MICAL3: variants seen among roughly 807,000 people sequenced by gnomAD.
MICAL3 encodes microtubule associated monooxygenase, calponin and LIM domain containing 3, also known as [F-actin]-monooxygenase MICAL3.
In MICAL3, 62 loss-of-function variants were observed where a neutral mutation model predicts 207.4. The observed-to-expected ratio is 0.30, with a 90% CI of 0.24 to 0.37. The LOEUF is 0.37. Among genes scored for constraint, MICAL3 ranks in the 10% least tolerant of loss-of-function variants. MICAL3 has a pLI of 1.00. For missense variants in MICAL3, 2,368 were observed against 2,635.6 expected (o/e 0.90, Z 2.22); for synonymous variants, 1,077 against 1,069.3 (o/e 1.01, Z -0.14).
chr22:17,896,133 T>C, intron 9 of MICAL3, 113 bp downstream of exon 9: 1 of 599,364 alleles, frequency 1.7e-6, no homozygotes, highest in Non-Finnish European at 3.0e-6. Flanking sequence ...GAAAACATCT[T>C]TAATTAAGAA....
At chr22:17,956,863 C>T (rs993617993) in intron 1 of MICAL3, among the ~76,000 whole-genome samples, 1 of 152,188 alleles carries the variant, frequency 6.6e-6, no homozygotes, top group Admixed American at 6.5e-5. Flanking sequence ...TTCTTAGTAA[C>T]AGTACCCCAA....
chr22:17,917,813 G>C (rs1569132369), intron 1 of MICAL3, among the ~76,000 whole-genome samples: 1 of 152,156 alleles, frequency 6.6e-6, no homozygotes. Context: ...ACCACACCCA[G>C]GGAAGAAGGC....
At chr22:17,920,120 T>C (rs973308412) in intron 1 of MICAL3, among the ~76,000 whole-genome samples, 7 of 152,246 alleles carry the variant, frequency 4.6e-5, no homozygotes, top group Non-Finnish European at 1.0e-4. Flanking sequence ...CATTTCATAC[T>C]TGCTGGGCGG....
Position 17,842,539 on chromosome 22 carries a change from T to C in MICAL3, c.2606-522A>G, listed in dbSNP as rs374074780. ...AAGAACGTCTCATGCTGCGGATCTG[T>C]CTCCTCACAGTTAGATAAGGCACTT... On this transcript the variant is annotated intron_variant, in intron 19 of 31. Transcript: ENST00000441493. 620 of 164,756 alleles carry C rather than the reference T, an allele frequency of 3.8e-3. 2 individuals carry two copies. Among genetic ancestry groups the C allele is most frequent in the Non-Finnish European group, 5.7e-3 (421 of 73,400 alleles). The allele number at this position is 164,756 out of a possible 1,614,324, so 10.2% of individuals were successfully genotyped here. A position where few individuals can be genotyped will look rare whatever the true frequency, so the allele number is the denominator to read the frequency against.
chr22:18,019,263 G>A (rs1924275338), intron 1 of MICAL3: 1 of 153,740 alleles, frequency 6.5e-6, no homozygotes, highest in Non-Finnish European at 1.5e-5. Context: ...GACATTAATG[G>A]TTGTATTATT....
At chr22:17,856,911 G>A (rs893782432) in intron 19 of MICAL3, among the ~76,000 whole-genome samples, 4 of 152,082 alleles carry the variant, frequency 2.6e-5, no homozygotes, top group Non-Finnish European at 5.9e-5. Flanking sequence ...GTGAGCCACC[G>A]CGCCCGGCCG....
In MICAL3 at chr22:17,847,546, C is replaced by T. The variant is rs1351118794; in HGVS notation, c.2606-5529G>A. Among the ~76,000 whole-genome samples the T allele has an allele frequency of 2.0e-5, 3 of 152,356 alleles. No homozygotes were observed. The South Asian group carries it at 6.2e-4, about 32-fold the overall frequency. ...AAGATCTGTGCCCTGGGGCAGCCCA[C>T]ATTCTGATAGCCTATGGGTGTCACC... On this transcript the variant is annotated intron_variant, in intron 19 of 31. Coordinates refer to ENST00000441493, the MANE Select transcript of MICAL3 (RefSeq NM_015241.3).
intron 23 of MICAL3, 88 bp downstream of exon 23, chr22:17,822,859 G>T: frequency 1.3e-6 from 1 of 785,192 alleles, no homozygotes; most frequent in Non-Finnish European, 2.1e-6. Context: ...CCCAACGGCG[G>T]CCTCACTGAG....
chr22:17,804,971 A>C (rs1469868330), intron 29 of MICAL3, among the ~76,000 whole-genome samples: 1 of 152,206 alleles, frequency 6.6e-6, no homozygotes, highest in Non-Finnish European at 1.5e-5. Context: ...TGCTGAAGCT[A>C]ATCCTTGCAG....
At chr22:17,944,625 C>T (rs1191223425) in intron 1 of MICAL3, among the ~76,000 whole-genome samples, 1 of 152,174 alleles carries the variant, frequency 6.6e-6, no homozygotes, top group Non-Finnish European at 1.5e-5. Flanking sequence ...CAGCAGTGAG[C>T]ACACGCACCC....
intron 29 of MICAL3, among the ~76,000 whole-genome samples, chr22:17,805,829 A>T (rs1385643038): frequency 1.3e-5 from 2 of 152,166 alleles, no homozygotes; most frequent in African/African-American, 2.4e-5. Flanking sequence ...CCCAGGTTCA[A>T]GCGATTCTCC....
At chr22:17,977,872 A>C (rs1204822753) in intron 1 of MICAL3, among the ~76,000 whole-genome samples, 2 of 151,892 alleles carry the variant, frequency 1.3e-5, no homozygotes, top group African/African-American at 4.8e-5. Context: ...AAAATACAAA[A>C]TTAGCCAGGC....
chr22:17,939,987 G>T (rs1422946893), intron 1 of MICAL3, among the ~76,000 whole-genome samples: 4 of 152,126 alleles, frequency 2.6e-5, no homozygotes, highest in African/African-American at 9.7e-5. Flanking sequence ...TAATCCCCTA[G>T]AGTCAAAGCA....
chr22:17,964,474 C>A (rs1049568224), intron 1 of MICAL3, among the ~76,000 whole-genome samples: 1 of 152,218 alleles, frequency 6.6e-6, no homozygotes, highest in Admixed American at 6.5e-5. Flanking sequence ...TCTGCGCACA[C>A]AGCACACGTC....
At chr22:17,988,518 G>A (rs374968660) in intron 1 of MICAL3, among the ~76,000 whole-genome samples, 7 of 152,180 alleles carry the variant, frequency 4.6e-5, no homozygotes, top group Non-Finnish European at 1.0e-4. Context: ...GCAGTGACGC[G>A]ATCTTGGCTC....
chr22:17,920,531 C>G (rs1209747435), intron 1 of MICAL3, among the ~76,000 whole-genome samples: 1 of 152,212 alleles, frequency 6.6e-6, no homozygotes, highest in African/African-American at 2.4e-5. Flanking sequence ...AACCCGCCCT[C>G]CCCTGGCTGT....
At chr22:17,936,658 T>C (rs1011792077) in intron 1 of MICAL3, among the ~76,000 whole-genome samples, 3 of 152,182 alleles carry the variant, frequency 2.0e-5, no homozygotes, top group African/African-American at 7.2e-5. Context: ...TATATTCATC[T>C]GTCAATGCCC....
At chr22:17,917,898 C>T (rs1332736227) in intron 1 of MICAL3, among the ~76,000 whole-genome samples, 1 of 152,224 alleles carries the variant, frequency 6.6e-6, no homozygotes, top group East Asian at 1.9e-4. Context: ...CCCTCTATCT[C>T]CCCTGGCAGA....
rs375344530 is a variant in MICAL3, at chr22:17,817,345, A to G, written c.5316T>C (p.Ser1772=). The G allele has an allele frequency of 2.5e-6, 4 of 1,608,438 alleles. No individual in the cohort carries two copies. Among genetic ancestry groups the G allele is most frequent in the Non-Finnish European group, 3.4e-6 (4 of 1,177,832 alleles). ...STPSSGATVD[S]GKHRVLPVVR... is the part of the protein sequence containing the mutation. ...CGACGGGAAGCACCCTGTGCTTTCCAGAGTCCACCGTGGCCCCGCTGGAGG... is the reference window on the plus strand; with the variant it reads ...CGACGGGAAGCACCCTGTGCTTTCCGGAGTCCACCGTGGCCCCGCTGGAGG... The change falls in exon 26 of 32, where the codon TCT becomes TCC. Residue 1772 remains serine (S), a synonymous_variant. Transcript: ENST00000441493.
Sources: allele counts gnomAD v4.1 joint callset (sites outside exome capture counted in the v4.1 genomes callset), GRCh38; gene constraint gnomAD v4.1.1; transcripts MANE v1.5; gene names NCBI Gene and HGNC (gene_info 2026-07-23, HGNC 2026-07-21).